RAD51B: variants seen among roughly 807,000 people sequenced by gnomAD.
The protein encoded by RAD51B is RAD51 paralog B, also known as DNA repair protein RAD51 homolog 2.
RAD51B carries 38 observed loss-of-function variants against 42.2 expected under a neutral mutation model. The ratio of observed to expected loss-of-function variants is 0.90; its 90% CI spans 0.70 to 1.18. The LOEUF (loss-of-function observed/expected upper bound fraction) is 1.18. Among genes scored for constraint, RAD51B ranks in the 50% most tolerant of loss-of-function variants. The pLI, the probability that RAD51B is intolerant of heterozygous loss-of-function variation, is 0.00. For synonymous variants in RAD51B, 154 were observed against 145.2 expected, an observed-to-expected ratio of 1.06 and a Z score of -0.43; for missense variants, 373 against 400.7, an observed-to-expected ratio of 0.93 and a Z score of 0.59.
intron 10 of RAD51B, among the ~76,000 whole-genome samples, chr14:68,564,737 G>C (rs566934784): frequency 1.3e-5 from 2 of 152,200 alleles, no homozygotes; most frequent in African/African-American, 4.8e-5. Context: ...TAATCAGGTC[G>C]GGTTGAGCTG....
At chr14:68,342,798 A>G (rs964297790) in intron 8 of RAD51B, among the ~76,000 whole-genome samples, 4 of 152,162 alleles carry the variant, frequency 2.6e-5, no homozygotes, top group African/African-American at 9.7e-5. Context: ...ATACATGTCC[A>G]CGTTTGACCT....
intron 10 of RAD51B, among the ~76,000 whole-genome samples, chr14:68,552,657 A>G (rs1888636397): frequency 6.6e-6 from 1 of 152,198 alleles, no homozygotes; most frequent in Admixed American, 6.5e-5. Context: ...AATTATCTGG[A>G]GCAAATTTAG....
chr14:68,147,785 A>G (rs2078284135), intron 7 of RAD51B, among the ~76,000 whole-genome samples: 1 of 137,756 alleles, frequency 7.3e-6, no homozygotes, highest in Non-Finnish European at 1.6e-5. Context: ...GGAACCAAAA[A>G]AGATAAAGCA....
intron 8 of RAD51B, among the ~76,000 whole-genome samples, chr14:68,328,143 C>G (rs747554574): frequency 6.6e-6 from 1 of 152,098 alleles, no homozygotes; most frequent in Non-Finnish European, 1.5e-5. Flanking sequence ...AAAGTCACTG[C>G]AAAATTTTGA....
chr14:68,127,901 G>A (rs2077805023), intron 7 of RAD51B, among the ~76,000 whole-genome samples: 2 of 152,114 alleles, frequency 1.3e-5, no homozygotes, highest in Admixed American at 6.5e-5. Context: ...GTGTCCCCTA[G>A]GAATGTAAGT....
intron 7 of RAD51B, among the ~76,000 whole-genome samples, chr14:68,108,634 T>C (rs2077413211): frequency 6.6e-6 from 1 of 151,920 alleles, no homozygotes; most frequent in Non-Finnish European, 1.5e-5. Context: ...GGACAGTGAC[T>C]ACTAATGAGT....
intron 5 of RAD51B, among the ~76,000 whole-genome samples, chr14:67,866,103 CTG>C (rs1246195311): frequency 6.6e-6 from 1 of 152,280 alleles, no homozygotes; most frequent in Non-Finnish European, 1.5e-5. Flanking sequence ...AGAATCCAAA[CTG>C]TGGGAAATAA....
intron 11 of RAD51B, among the ~76,000 whole-genome samples, chr14:68,677,435 C>T (rs1893334384): frequency 6.6e-6 from 1 of 152,190 alleles, no homozygotes; most frequent in South Asian, 2.1e-4. Flanking sequence ...TGTCTCTTCT[C>T]TTCCAAGCCC....
chr14:68,095,506 C>A (rs550010733), intron 7 of RAD51B, among the ~76,000 whole-genome samples: 7 of 148,588 alleles, frequency 4.7e-5, no homozygotes, highest in African/African-American at 1.7e-4. Context: ...GGATTTTGTA[C>A]TTCCCTCCCT....
chr14:68,179,278 C>T (rs2079015751), intron 7 of RAD51B, among the ~76,000 whole-genome samples: 2 of 152,056 alleles, frequency 1.3e-5, no homozygotes, highest in Non-Finnish European at 2.9e-5. Flanking sequence ...GGATGAGGCT[C>T]TGTTGTCTTT....
At chr14:68,306,096 A>G (rs1012692855) in intron 8 of RAD51B, among the ~76,000 whole-genome samples, 1 of 152,216 alleles carries the variant, frequency 6.6e-6, no homozygotes, top group Non-Finnish European at 1.5e-5. Context: ...GCTATTGAAG[A>G]ACCTTGAGAA....
chr14:68,073,018 G>A (rs1327705869), intron 7 of RAD51B, among the ~76,000 whole-genome samples: 1 of 152,106 alleles, frequency 6.6e-6, no homozygotes, highest in Non-Finnish European at 1.5e-5. Flanking sequence ...TTTTTGTTGG[G>A]TGCAGTGTTC....
At chr14:67,923,910 A>ATGGG (rs2044416343) in intron 7 of RAD51B, among the ~76,000 whole-genome samples, 1 of 152,188 alleles carries the variant, frequency 6.6e-6, no homozygotes. Flanking sequence ...TTTTTAAATT[A>ATGGG]TGGCCATTCT....
chr14:68,257,374 T>TA (rs1306413866), intron 7 of RAD51B, among the ~76,000 whole-genome samples: 1 of 152,052 alleles, frequency 6.6e-6, no homozygotes, highest in Non-Finnish European at 1.5e-5. Flanking sequence ...TTACCACAAT[T>TA]AAAAAAGCAA....
intron 10 of RAD51B, among the ~76,000 whole-genome samples, chr14:68,527,939 C>A (rs1341664669): frequency 6.6e-6 from 1 of 152,182 alleles, no homozygotes; most frequent in Non-Finnish European, 1.5e-5. Context: ...TATACTCTTT[C>A]AAATTTTCCA....
chr14:68,300,088 A>G (rs2139686353), intron 8 of RAD51B, among the ~76,000 whole-genome samples: 2 of 152,298 alleles, frequency 1.3e-5, no homozygotes, highest in Middle Eastern at 6.8e-3. Flanking sequence ...ATTCCTTTTG[A>G]AGGGAGGTAA....
intron 7 of RAD51B, among the ~76,000 whole-genome samples, chr14:68,006,070 A>G (rs1371805551): frequency 6.6e-6 from 1 of 152,172 alleles, no homozygotes; most frequent in Non-Finnish European, 1.5e-5. Flanking sequence ...ACCATTTATG[A>G]AGGATCCACC....
intron 7 of RAD51B, among the ~76,000 whole-genome samples, chr14:68,049,132 C>T (rs2076350870): frequency 6.6e-6 from 1 of 151,936 alleles, no homozygotes; most frequent in South Asian, 2.1e-4. Context: ...ACTGCATGTT[C>T]TCACTCACAG....
At chr14:67,956,361 C>T (rs2074546821) in intron 7 of RAD51B, among the ~76,000 whole-genome samples, 2 of 152,232 alleles carry the variant, frequency 1.3e-5, no homozygotes, top group African/African-American at 4.8e-5. Context: ...GTGGCGGCCA[C>T]CTGTAATCCC....
Sources: gnomAD v4.1 joint callset for allele counts (sites outside exome capture counted in the v4.1 genomes callset) on GRCh38, gnomAD v4.1.1 for gene constraint, MANE v1.5 for transcripts, NCBI Gene and HGNC (gene_info 2026-07-23, HGNC 2026-07-21) for gene names.